Variants in RAPGEF1 observed in about 807,000 individuals in gnomAD.
RAPGEF1 encodes Rap guanine nucleotide exchange factor 1, also known as CRK SH3-binding GNRP.
RAPGEF1 carries 33 observed loss-of-function variants against 143.3 expected under a neutral mutation model. The observed-to-expected ratio is 0.23, with a 90% confidence interval of 0.17 to 0.31. The LOEUF (loss-of-function observed/expected upper bound fraction) is 0.31, where lower values mean the gene tolerates loss of function less well. Ranked by LOEUF, RAPGEF1 falls within the 10% of genes least tolerant of loss-of-function variation. The pLI is 1.00. For synonymous variants in RAPGEF1, 629 were observed against 676.5 expected (o/e 0.93, Z 1.09); for missense variants, 1,199 against 1,645.4 (o/e 0.73, Z 4.69).
chr9:131,617,340 C>T (rs1198126537), intron 12 of RAPGEF1, among the ~76,000 whole-genome samples: 1 of 152,222 alleles, frequency 6.6e-6, no homozygotes, highest in East Asian at 1.9e-4. Context: ...AGCGCATCTT[C>T]CCAGCATGAG....
chr9:131,631,469 T>A (rs113887736), intron 5 of RAPGEF1, among the ~76,000 whole-genome samples: 2 of 152,372 alleles, frequency 1.3e-5, no homozygotes, highest in African/African-American at 4.8e-5. Context: ...CCAGCAGTGT[T>A]CCCACTCGTG....
At chr9:131,609,701 T>C (rs1957714696) in intron 12 of RAPGEF1, among the ~76,000 whole-genome samples, 1 of 152,208 alleles carries the variant, frequency 6.6e-6, no homozygotes, top group Non-Finnish European at 1.5e-5. Context: ...TGACCTCATA[T>C]GCGAGCGTGT....
intron 16 of RAPGEF1, among the ~76,000 whole-genome samples, chr9:131,596,622 C>T (rs980516891): frequency 2.6e-5 from 4 of 152,142 alleles, no homozygotes; most frequent in African/African-American, 7.2e-5. Context: ...TGGGAGCTGC[C>T]CCGGCACCAA....
In RAPGEF1 at chr9:131,628,630, C is replaced by T. The variant is rs201535263; in HGVS notation, c.936G>A (p.Pro312=). ...CCACCACAGCCACTCGGGTAGGGGACGGCGCCGACTGTCTTTTCTTGGGTG... is the reference window on the plus strand; with the variant it reads ...CCACCACAGCCACTCGGGTAGGGGATGGCGCCGACTGTCTTTTCTTGGGTG... ...ALPPKKRQSA[P]SPTRVAVVAP... is the part of the protein sequence containing the mutation. The change falls in exon 8 of 27, where the codon CCG becomes CCA. Residue 312 remains proline (P), a synonymous_variant. Coordinates refer to ENST00000683357, the MANE Select transcript of RAPGEF1 (RefSeq NM_001377935.1). This position sits in a 1 kb window ranked among gnomAD's most constrained non-coding sequence, Gnocchi z 5.7. 1.6e-4 allele frequency: 250 copies of T among 1,611,410 alleles called. 2 individuals are homozygous for T. The Admixed American group carries it at 2.2e-3, about 14-fold the overall frequency.
intron 16 of RAPGEF1, 142 bp downstream of exon 16, chr9:131,598,057 G>C: frequency 1.5e-6 from 1 of 688,556 alleles, no homozygotes; most frequent in Non-Finnish European, 2.5e-6. Context: ...CCACAGCCCA[G>C]AGGCTCACCA....
At chr9:131,601,393 C>T (rs1055333076) in intron 15 of RAPGEF1, among the ~76,000 whole-genome samples, 1 of 152,058 alleles carries the variant, frequency 6.6e-6, no homozygotes, top group Non-Finnish European at 1.5e-5. Context: ...GAGGCCAAGA[C>T]CAAGGGAGGT....
intron 1 of RAPGEF1, among the ~76,000 whole-genome samples, chr9:131,678,127 T>C (rs564803602): frequency 6.6e-6 from 1 of 152,330 alleles, no homozygotes; most frequent in South Asian, 2.1e-4. Context: ...AGGTATTTAT[T>C]TAGAAAACAC....
In RAPGEF1 at chr9:131,649,861, T is replaced by C. The variant is rs761299150; in HGVS notation, c.315+268A>G. ...ACTCGCCCACATCCCCTGGAACCCG[T>C]TGGACCCAAGCAGCACACCCAAACC... On this transcript the variant is annotated intron_variant, in intron 3 of 26. Transcript: ENST00000683357. 9.9e-5 allele frequency among the ~76,000 whole-genome samples: 15 copies of C among 152,182 alleles called. No homozygotes were observed. In the South Asian group the frequency reaches 1.7e-3, roughly 17 times the overall value.
At position 131,577,569 on chromosome 9, in the gene RAPGEF1, C is replaced by A. The variant is rs1951345075; in HGVS notation, c.*1928G>T. On this transcript the variant is annotated 3_prime_UTR_variant, in exon 27 of 27. Transcript: ENST00000683357. ...ACAGGGAGAATTTCAGTTCACACAA[C>A]CCAAGGGCCCTGTGTGCAGAGCGGC... 1 of 152,266 alleles carries A rather than the reference C, an allele frequency of 6.6e-6. No homozygotes were observed. Among genetic ancestry groups the A allele is most frequent in the African/African-American group, 2.4e-5 (1 of 41,458 alleles). 9.4% of individuals were successfully genotyped at this position (152,266 alleles called of 1,614,324 possible). A position where few individuals can be genotyped will look rare whatever the true frequency, so the allele number is the denominator to read the frequency against.
rs559458973 is a variant in RAPGEF1 at position 131,596,243 on chromosome 9, G to A, written c.2689+55C>T. 65 of 1,555,224 alleles carry A rather than the reference G, an allele frequency of 4.2e-5. 1 individual carries two copies. In the East Asian group the frequency reaches 4.3e-4, roughly 10 times the overall value. On this transcript the variant is annotated intron_variant, in intron 17 of 26. Coordinates refer to ENST00000683357, the MANE Select transcript of RAPGEF1 (RefSeq NM_001377935.1). ...GGGGACAGGATAGCGGTGGGAGGCC[G>A]AGTGGCACCCGGGGCAGGACCAGCC...
chr9:131,671,632 T>C (rs976465099), intron 1 of RAPGEF1, among the ~76,000 whole-genome samples: 10 of 152,284 alleles, frequency 6.6e-5, no homozygotes, highest in Middle Eastern at 6.8e-3. Context: ...AGTCAAATGC[T>C]GAGGACATGT....
At chr9:131,601,773 A>G (rs1255710531) in intron 15 of RAPGEF1, among the ~76,000 whole-genome samples, 2 of 151,548 alleles carry the variant, frequency 1.3e-5, no homozygotes, top group Non-Finnish European at 2.9e-5. Flanking sequence ...TGGGCGTGGT[A>G]CTGCATGCCT....
chr9:131,717,024 T>C (rs920373159), intron 1 of RAPGEF1, among the ~76,000 whole-genome samples: 1 of 152,104 alleles, frequency 6.6e-6, no homozygotes, highest in African/African-American at 2.4e-5. Flanking sequence ...CAGTGGACTC[T>C]CAAAGATCAG....
In RAPGEF1 at chr9:131,698,740, GCAACCCCA is replaced by G. The variant is rs766656355; in HGVS notation, c.61+41022_61+41029del. Among the ~76,000 whole-genome samples the G allele has an allele frequency of 1.5e-3, 233 of 152,326 alleles. 2 individuals carry two copies. Among genetic ancestry groups the G allele is most frequent in the Middle Eastern group, 3.4e-3 (1 of 294 alleles). ...CTGCCCCCCTTCCCCGACCAGGTGA[GCAACCCCA>G]CTACGGGAGGGACCCTGGGCTAGCC... On this transcript the variant is annotated intron_variant, in intron 1 of 26. Coordinates refer to ENST00000683357, the MANE Select transcript of RAPGEF1 (RefSeq NM_001377935.1).
intron 11 of RAPGEF1, among the ~76,000 whole-genome samples, chr9:131,620,670 G>A (rs1252072724): frequency 6.6e-6 from 1 of 152,162 alleles, no homozygotes; most frequent in Non-Finnish European, 1.5e-5. Context: ...CACCTCTGAA[G>A]TGGCTGAGTG....
chr9:131,591,419 C>T (rs1374528923), intron 18 of RAPGEF1, among the ~76,000 whole-genome samples: 3 of 152,212 alleles, frequency 2.0e-5, no homozygotes, highest in African/African-American at 7.2e-5. Context: ...CCTCCTAGAG[C>T]AGCAGCTGCA....
At chr9:131,591,652 T>A (rs1232751771) in intron 18 of RAPGEF1, among the ~76,000 whole-genome samples, 4 of 152,170 alleles carry the variant, frequency 2.6e-5, no homozygotes, top group Admixed American at 6.5e-5. Flanking sequence ...ACCCCTGAGC[T>A]GTCTATTTGG....
Position 131,706,693 on chromosome 9 carries a change from C to T in RAPGEF1, c.61+33077G>A, listed in dbSNP as rs905754857. On this transcript the variant is annotated intron_variant, in intron 1 of 26. Transcript: ENST00000683357. ...GGACCACTCCCTATCCCTGTTATTTCGGCTCTTCAGCAGGACACCATGCGC... is the reference window on the plus strand; with the variant it reads ...GGACCACTCCCTATCCCTGTTATTTTGGCTCTTCAGCAGGACACCATGCGC... Among the ~76,000 whole-genome samples the T allele has an allele frequency of 9.9e-5, 15 of 152,200 alleles. No individual in the cohort carries two copies. The East Asian group carries it at 2.9e-3, about 29-fold the overall frequency.
At chr9:131,689,632 G>C (rs970792695) in intron 1 of RAPGEF1, among the ~76,000 whole-genome samples, 5 of 151,910 alleles carry the variant, frequency 3.3e-5, no homozygotes, top group East Asian at 3.9e-4. Flanking sequence ...TCTGCCTCCT[G>C]GGTTCAAGCG....
Sources: gnomAD v4.1 joint callset for allele counts (sites outside exome capture counted in the v4.1 genomes callset) on GRCh38, gnomAD v4.1.1 for gene constraint, Gnocchi (gnomAD v3.1) non-coding constraint, MANE v1.5 for transcripts, NCBI Gene and HGNC (gene_info 2026-07-23, HGNC 2026-07-21) for gene names.